GALNTL6: variants seen among roughly 807,000 people sequenced by gnomAD.
GALNTL6 encodes the protein polypeptide N-acetylgalactosaminyltransferase like 6.
In GALNTL6, 46 loss-of-function variants were observed where a neutral mutation model predicts 73.7. The observed-to-expected ratio is 0.62, with a 90% CI of 0.49 to 0.80. GALNTL6 has a LOEUF of 0.80. GALNTL6 is among the 30% of genes least tolerant of loss of function. The pLI is 0.00. For missense variants in GALNTL6, 604 were observed against 755.0 expected, an observed-to-expected ratio of 0.80 and a Z score of 2.34; for synonymous variants, 259 against 263.7, an observed-to-expected ratio of 0.98 and a Z score of 0.17.
chr4:172,374,667 G>A (rs762771485), intron 5 of GALNTL6, among the ~76,000 whole-genome samples: 6 of 152,264 alleles, frequency 3.9e-5, no homozygotes, highest in Non-Finnish European at 5.9e-5. Flanking sequence ...TCTTAGTGGG[G>A]ATCCATACTG....
intron 3 of GALNTL6, among the ~76,000 whole-genome samples, chr4:172,280,480 T>G (rs1739004720): frequency 6.6e-6 from 1 of 152,008 alleles, no homozygotes; most frequent in Admixed American, 6.6e-5. Context: ...TATAGAGAAA[T>G]TTTTTTAAAA....
intron 5 of GALNTL6, among the ~76,000 whole-genome samples, chr4:172,738,025 C>T (rs1736573674): frequency 6.6e-6 from 1 of 152,192 alleles, no homozygotes; most frequent in Non-Finnish European, 1.5e-5. Flanking sequence ...AGTTTCTGAG[C>T]TGGAGATGGT....
chr4:172,717,964 T>C (rs1041409429), intron 5 of GALNTL6, among the ~76,000 whole-genome samples: 3 of 152,196 alleles, frequency 2.0e-5, no homozygotes, highest in African/African-American at 7.2e-5. Context: ...ACCAGTTCAG[T>C]CACTCAGTTG....
chr4:171,994,841 G>T (rs1740441771), intron 2 of GALNTL6, among the ~76,000 whole-genome samples: 1 of 151,914 alleles, frequency 6.6e-6, no homozygotes, highest in African/African-American at 2.4e-5. Context: ...GAATTGGAGA[G>T]AATTAGAGTG....
chr4:173,020,491 G>C (rs1254526052), intron 11 of GALNTL6, among the ~76,000 whole-genome samples: 1 of 152,174 alleles, frequency 6.6e-6, no homozygotes, highest in Non-Finnish European at 1.5e-5. Flanking sequence ...TTGGAATCAA[G>C]GGAGGTCTCT....
chr4:172,802,138 C>T (rs1486458480), intron 5 of GALNTL6, among the ~76,000 whole-genome samples: 2 of 152,076 alleles, frequency 1.3e-5, no homozygotes, highest in African/African-American at 4.8e-5. Flanking sequence ...TTAATATATT[C>T]TCCAATCCCT....
In GALNTL6 at chr4:173,021,510, C is replaced by T; in HGVS notation, c.1523C>T (p.Pro508Leu). ...FTFGWREDIR[P>L]GEPLHTRKFC... Reference sequence around the variant, plus strand: ...TTTGGATGGAGAGAAGATATTCGACCCGGTGAGCCACTGCATACCCGGAAA... The same window carrying T: ...TTTGGATGGAGAGAAGATATTCGACTCGGTGAGCCACTGCATACCCGGAAA... Residue 508 changes from proline to leucine, a missense_variant, in exon 12 of 13, where the codon CCC becomes CTC. Transcript: ENST00000506823. The T allele has an allele frequency of 2.5e-6, 4 of 1,614,102 alleles. No individual in the cohort carries two copies. The highest frequency in any genetic ancestry group is 3.4e-6 in the Non-Finnish European group (4 of 1,180,004).
chr4:172,330,379 A>G (rs1040606860), intron 4 of GALNTL6, among the ~76,000 whole-genome samples: 2 of 152,158 alleles, frequency 1.3e-5, no homozygotes, highest in African/African-American at 2.4e-5. Flanking sequence ...TAACTCACTT[A>G]TCACTTCCCT....
At chr4:172,934,892 C>A (rs368232388) in intron 9 of GALNTL6, among the ~76,000 whole-genome samples, 25 of 152,300 alleles carry the variant, frequency 1.6e-4, no homozygotes, top group African/African-American at 6.0e-4. Flanking sequence ...TTCATTCCAA[C>A]AGGTTTTTAT....
intron 10 of GALNTL6, among the ~76,000 whole-genome samples, chr4:172,975,747 G>C (rs925347795): frequency 6.6e-6 from 1 of 152,198 alleles, no homozygotes; most frequent in Non-Finnish European, 1.5e-5. Flanking sequence ...GGCTAAGGGA[G>C]GAGGAGCCTG....
At chr4:172,367,691 A>T (rs1163181377) in intron 5 of GALNTL6, among the ~76,000 whole-genome samples, 1 of 152,168 alleles carries the variant, frequency 6.6e-6, no homozygotes. Context: ...AATTGTGCTA[A>T]TTTTTTAATG....
At chr4:171,856,225 C>A (rs1735688150) in intron 2 of GALNTL6, among the ~76,000 whole-genome samples, 1 of 151,884 alleles carries the variant, frequency 6.6e-6, no homozygotes, top group Non-Finnish European at 1.5e-5. Context: ...ATCTCAGCCT[C>A]CTGAATAGCT....
chr4:172,847,438 A>AT (rs1043971266), intron 7 of GALNTL6, among the ~76,000 whole-genome samples: 3 of 152,044 alleles, frequency 2.0e-5, no homozygotes, highest in African/African-American at 7.2e-5. Context: ...GTACTGATCA[A>AT]TTTTTTTGTA....
chr4:172,359,059 C>G lies in GALNTL6; in HGVS notation c.553+10370C>G, dbSNP rs933606188. Among the ~76,000 whole-genome samples the G allele has an allele frequency of 2.0e-5, 3 of 152,098 alleles. No individual in the cohort carries two copies. In the East Asian group the frequency reaches 5.8e-4, roughly 29 times the overall value. ...TGTACCCAAAGGAATATAAATCATT[C>G]TACCATGAAGACACATGCACACAAA... On this transcript the variant is annotated intron_variant, in intron 5 of 12. Coordinates refer to ENST00000506823, the MANE Select transcript of GALNTL6 (RefSeq NM_001034845.3).
intron 2 of GALNTL6, among the ~76,000 whole-genome samples, chr4:172,017,511 A>G (rs35272840): frequency 0.26 from 38,874 of 151,936 alleles, 6,265 homozygotes; most frequent in East Asian, 0.43. Context: ...GTACAGTGCC[A>G]GGGGAGAACA....
At chr4:172,697,069 T>G (rs1733741192) in intron 5 of GALNTL6, among the ~76,000 whole-genome samples, 1 of 152,240 alleles carries the variant, frequency 6.6e-6, no homozygotes, top group Admixed American at 6.5e-5. Context: ...TATGTCATGA[T>G]ACTCAATCAA....
At chr4:172,642,228 A>G (rs1420726295) in intron 5 of GALNTL6, among the ~76,000 whole-genome samples, 1 of 152,066 alleles carries the variant, frequency 6.6e-6, no homozygotes, top group Non-Finnish European at 1.5e-5. Flanking sequence ...AACACTGGGT[A>G]TATATTCAAA....
chr4:172,603,748 A>T (rs1427819959), intron 5 of GALNTL6, among the ~76,000 whole-genome samples: 2 of 152,210 alleles, frequency 1.3e-5, no homozygotes, highest in Non-Finnish European at 2.9e-5. Flanking sequence ...TGATTTCTAT[A>T]TGTCAATGCT....
intron 5 of GALNTL6, among the ~76,000 whole-genome samples, chr4:172,552,836 G>GGAAAAAAAAAA (rs1736003479): frequency 3.5e-4 from 1 of 2,854 alleles, no homozygotes; most frequent in East Asian, 8.2e-3. Flanking sequence ...AGTAATTGCA[G>GGAAAAAAAAAA]TAAAAAAAAA....
Sources: gnomAD v4.1 joint callset for allele counts (sites outside exome capture counted in the v4.1 genomes callset) on GRCh38, gnomAD v4.1.1 for gene constraint, MANE v1.5 for transcripts, NCBI Gene and HGNC (gene_info 2026-07-23, HGNC 2026-07-21) for gene names.